ANKH: variants seen among roughly 807,000 people sequenced by gnomAD.
The protein encoded by ANKH is mineralization regulator ANKH.
In ANKH, 15 loss-of-function variants were observed where a neutral mutation model predicts 49.0. That is an observed-to-expected ratio of 0.31 (90% CI 0.20 to 0.47). The LOEUF is 0.47. ANKH is among the 20% of genes least tolerant of loss of function. ANKH has a pLI of 1.00. For missense variants in ANKH, 429 were observed against 652.0 expected (o/e 0.66, Z 3.72); for synonymous variants, 273 against 260.0 (o/e 1.05, Z -0.48).
chr5:14,728,833 C>T (rs1459704211), intron 8 of ANKH, among the ~76,000 whole-genome samples: 1 of 152,204 alleles, frequency 6.6e-6, no homozygotes, highest in Non-Finnish European at 1.5e-5. Flanking sequence ...AGAACTGACA[C>T]GCCTTACTGA....
intron 1 of ANKH, among the ~76,000 whole-genome samples, chr5:14,782,486 AC>A (rs1325510044): frequency 6.6e-6 from 1 of 152,038 alleles, no homozygotes; most frequent in Non-Finnish European, 1.5e-5. Flanking sequence ...GTAAAGTAAA[AC>A]CCTTTACTTT....
intron 1 of ANKH, among the ~76,000 whole-genome samples, chr5:14,832,796 G>A (rs888698379): frequency 2.6e-5 from 4 of 152,134 alleles, no homozygotes; most frequent in Admixed American, 6.6e-5. Context: ...TTCACAATGG[G>A]GAGAAAATAT....
chr5:14,816,708 A>G (rs561592553), intron 1 of ANKH, among the ~76,000 whole-genome samples: 1 of 152,318 alleles, frequency 6.6e-6, no homozygotes, highest in South Asian at 2.1e-4. Flanking sequence ...GTTCTTCAGT[A>G]GAGTCTCTGT....
intron 1 of ANKH, chr5:14,797,082 G>C (rs574016268): frequency 7.4e-7 from 1 of 1,345,016 alleles, no homozygotes; most frequent in Non-Finnish European, 1.0e-6. Flanking sequence ...GGGTTGAGAA[G>C]AAAAAAGGGG....
intron 1 of ANKH, among the ~76,000 whole-genome samples, chr5:14,804,633 T>C (rs1740651639): frequency 6.6e-6 from 1 of 152,126 alleles, no homozygotes; most frequent in African/African-American, 2.4e-5. Context: ...GGGCTGAAAA[T>C]AGAATAAAAT....
intron 1 of ANKH, among the ~76,000 whole-genome samples, chr5:14,856,379 T>A (rs546653109): frequency 6.6e-6 from 1 of 152,326 alleles, no homozygotes; most frequent in East Asian, 1.9e-4. Flanking sequence ...CCAGTCTGTT[T>A]GGTCCAGATC....
chr5:14,788,944 T>C (rs746373121), intron 1 of ANKH, among the ~76,000 whole-genome samples: 7 of 152,042 alleles, frequency 4.6e-5, no homozygotes, highest in Non-Finnish European at 1.0e-4. Flanking sequence ...CTAAACTTAT[T>C]TGGGCCGGGC....
At chr5:14,845,399 A>G (rs1239563639) in intron 1 of ANKH, among the ~76,000 whole-genome samples, 1 of 151,556 alleles carries the variant, frequency 6.6e-6, no homozygotes, top group Non-Finnish European at 1.5e-5. Flanking sequence ...TTTATTAAGA[A>G]AAAAAGACAG....
intron 1 of ANKH, among the ~76,000 whole-genome samples, chr5:14,814,978 A>G (rs1352801654): frequency 6.6e-6 from 1 of 152,238 alleles, no homozygotes; most frequent in African/African-American, 2.4e-5. Flanking sequence ...GGAATGTTTA[A>G]CAGAGCGTTT....
At chr5:14,756,337 G>C (rs925112675) in intron 3 of ANKH, among the ~76,000 whole-genome samples, 2 of 152,096 alleles carry the variant, frequency 1.3e-5, no homozygotes, top group African/African-American at 4.8e-5. Flanking sequence ...GCTCTCATTT[G>C]GGTCTGAGTT....
rs367603875 is a variant in ANKH, at chr5:14,719,360, T to C, written c.1012-2525A>G. On this transcript the variant is annotated intron_variant, in intron 8 of 11. Coordinates refer to ENST00000284268, the MANE Select transcript of ANKH (RefSeq NM_054027.6). ...TTTTTCAAGAAGCTATTGGTGACGG[T>C]TGCTTTGCCAAGGCAAGTGAGCCAT... Among the ~76,000 whole-genome samples the C allele has an allele frequency of 2.0e-5, 3 of 152,236 alleles. No individual in the cohort carries two copies. The East Asian group carries it at 5.8e-4, about 29-fold the overall frequency.
chr5:14,721,065 T>C (rs1419251936), intron 8 of ANKH, among the ~76,000 whole-genome samples: 1 of 152,182 alleles, frequency 6.6e-6, no homozygotes, highest in Non-Finnish European at 1.5e-5. Context: ...GAGGACATGA[T>C]AGTGAGTGTG....
At chr5:14,711,549 C>T (rs1264357596) in intron 11 of ANKH, among the ~76,000 whole-genome samples, 2 of 152,178 alleles carry the variant, frequency 1.3e-5, no homozygotes, top group East Asian at 1.9e-4. Context: ...CGGAGGACAC[C>T]ATGTCCCACT....
At chr5:14,823,516 A>G (rs1741253485) in intron 1 of ANKH, among the ~76,000 whole-genome samples, 1 of 152,242 alleles carries the variant, frequency 6.6e-6, no homozygotes, top group Non-Finnish European at 1.5e-5. Flanking sequence ...GAAATAATTC[A>G]GGAATTGAGA....
Position 14,708,130 on chromosome 5 carries a change from T to C in ANKH, c.*3067A>G, listed in dbSNP as rs561532337. On this transcript the variant is annotated 3_prime_UTR_variant, in exon 12 of 12. Transcript: ENST00000284268. The stretch of plus-strand genomic sequence containing the variant: ...TGACGCCCTTTGCCACTGAGATCCC[T>C]GTAAGTCACTACAGAACAAATGGCA... 4.1e-4 allele frequency: 62 copies of C among 152,366 alleles called. No individual in the cohort carries two copies. Among genetic ancestry groups the C allele is most frequent in the Admixed American group, 3.7e-3 (56 of 15,304 alleles). The allele number at this position is 152,366 out of a possible 1,614,324, so 9.4% of individuals were successfully genotyped here.
chr5:14,862,076 A>C (rs988736844), intron 1 of ANKH, among the ~76,000 whole-genome samples: 1 of 152,304 alleles, frequency 6.6e-6, no homozygotes, highest in African/African-American at 2.4e-5. Context: ...TCTCTACCAA[A>C]AATATGGAAA....
At chr5:14,729,917 G>A (rs1214581152) in intron 8 of ANKH, among the ~76,000 whole-genome samples, 3 of 152,106 alleles carry the variant, frequency 2.0e-5, no homozygotes, top group African/African-American at 4.8e-5. Context: ...CTCTCTCTGC[G>A]GCCTGAAGTT....
At chr5:14,850,772 T>A (rs954716335) in intron 1 of ANKH, among the ~76,000 whole-genome samples, 4 of 152,188 alleles carry the variant, frequency 2.6e-5, no homozygotes, top group Admixed American at 6.5e-5. Flanking sequence ...GAAAAATCTT[T>A]GAAACAGACC....
intron 7 of ANKH, among the ~76,000 whole-genome samples, chr5:14,744,475 G>A (rs1738462977): frequency 6.6e-6 from 1 of 152,256 alleles, no homozygotes; most frequent in African/African-American, 2.4e-5. Flanking sequence ...GAGGAGACAG[G>A]TGATAGAGAC....
Sources: gnomAD v4.1 joint callset for allele counts (sites outside exome capture counted in the v4.1 genomes callset) on GRCh38, gnomAD v4.1.1 for gene constraint, MANE v1.5 for transcripts, NCBI Gene and HGNC (gene_info 2026-07-23, HGNC 2026-07-21) for gene names.